Variants in RPGR observed in about 807,000 individuals in gnomAD.
RPGR encodes X-linked retinitis pigmentosa GTPase regulator.
In RPGR, 10 loss-of-function variants were observed where a neutral mutation model predicts 56.3. The ratio of observed to expected loss-of-function variants is 0.18; its 90% confidence interval spans 0.11 to 0.30. RPGR has a LOEUF of 0.30. Among genes scored for constraint, RPGR ranks in the 10% least tolerant of loss-of-function variants. RPGR has a pLI of 1.00. For missense variants in RPGR, 538 were observed against 590.9 expected, an observed-to-expected ratio of 0.91 and a Z score of 0.93; for synonymous variants, 197 against 212.9, an observed-to-expected ratio of 0.93 and a Z score of 0.65.
At chrX:38,319,972 T>A (rs1017445529) in intron 4 of RPGR, among the ~76,000 whole-genome samples, 1 of 111,618 alleles carries the variant, frequency 9.0e-6, no homozygotes, top group African/African-American at 3.3e-5. Context: ...GAAACCTAAT[T>A]GGGGAAACAA....
At chrX:38,276,497 C>T (rs751922495) in intron 16 of RPGR, 16 of 928,501 alleles carry the variant, frequency 1.7e-5, no homozygotes, top group Non-Finnish European at 2.3e-5. Context: ...TTTCTGATCC[C>T]AAAGGCAACT....
intron 7 of RPGR, 30 bp downstream of exon 7, chrX:38,310,585 A>T (rs753659881): frequency 8.3e-7 from 1 of 1,206,033 alleles, no homozygotes; most frequent in Non-Finnish European, 1.1e-6. Context: ...CACAGAACGC[A>T]GGGAACAGAA....
At chrX:38,302,946 T>C (rs1003977388) in intron 8 of RPGR, among the ~76,000 whole-genome samples, 1 of 109,180 alleles carries the variant, frequency 9.2e-6, no homozygotes, top group African/African-American at 3.3e-5. Flanking sequence ...CAATAGCTGA[T>C]ATTACAGGCA....
At chrX:38,284,705 T>C in intron 15 of RPGR, 1 of 714,599 alleles carries the variant, frequency 1.4e-6, no homozygotes, top group Non-Finnish European at 1.7e-6. Flanking sequence ...ATAACAATAA[T>C]GATAGAGTGA....
At chrX:38,276,864 TA>T in intron 15 of RPGR, 6 of 736,490 alleles carry the variant, frequency 8.1e-6, no homozygotes, top group South Asian at 2.5e-5. Flanking sequence ...TTGTGTCATC[TA>T]AAAAAACCAG....
chrX:38,293,473 T>C (rs998237548), intron 11 of RPGR, among the ~76,000 whole-genome samples: 3 of 112,345 alleles, frequency 2.7e-5, no homozygotes, highest in South Asian at 7.4e-4. Context: ...AATTTGGAAT[T>C]ATATGGGAAA....
At chrX:38,317,073 C>T (rs1049336105) in intron 6 of RPGR, among the ~76,000 whole-genome samples, 3 of 111,613 alleles carry the variant, frequency 2.7e-5, no homozygotes, top group Non-Finnish European at 5.7e-5. Context: ...CCAAAGGAAA[C>T]TATATCCCAT....
intron 11 of RPGR, 108 bp from the exon 12 acceptor site, chrX:38,291,592 T>G: frequency 2.1e-6 from 1 of 475,926 alleles, no homozygotes; most frequent in Non-Finnish European, 3.7e-6. Flanking sequence ...GGTATAATTT[T>G]ACTAAAAGTC....
At chrX:38,306,902 T>C (rs2067613278) in intron 7 of RPGR, among the ~76,000 whole-genome samples, 2 of 112,756 alleles carry the variant, frequency 1.8e-5, no homozygotes, top group Admixed American at 1.9e-4. Flanking sequence ...TTTAAGGACA[T>C]TATATTTAAC....
In RPGR at chrX:38,317,326, A is replaced by G. The variant is rs371899162; in HGVS notation, c.609T>C (p.Ala203=). The G allele has an allele frequency of 8.3e-7, 1 of 1,208,697 alleles. No individual in the cohort carries two copies. The highest frequency in any genetic ancestry group is 1.1e-6 in the Non-Finnish European group (1 of 894,149). The change falls in exon 6 of 19, where the codon GCT becomes GCC. Residue 203 remains alanine (A), a synonymous_variant. Coordinates refer to ENST00000642395, the MANE Select transcript of RPGR (RefSeq NM_000328.3). The stretch of plus-strand genomic sequence containing the variant: ...CAAAATGTGTCTTACTTGTTACAAA[A>G]GCTGAATGGTAATATCCACAAGAGA...
chrX:38,322,137 T>A (rs781728049), intron 3 of RPGR, among the ~76,000 whole-genome samples: 1 of 112,089 alleles, frequency 8.9e-6, no homozygotes, highest in East Asian at 2.8e-4. Flanking sequence ...TATGATAAGC[T>A]ACACTGAAAT....
In RPGR at chrX:38,269,270, G is replaced by A. The variant is rs189722742; in HGVS notation, c.*356C>T. 5 of 130,223 alleles carry A rather than the reference G, an allele frequency of 3.8e-5. No individual in the cohort carries two copies. Among genetic ancestry groups the A allele is most frequent in the Admixed American group, 3.3e-4 (4 of 12,196 alleles). The allele number at this position is 130,223 out of a possible 1,213,427, so 10.7% of individuals were successfully genotyped here. A position where few individuals can be genotyped will look rare whatever the true frequency, so the allele number is the denominator to read the frequency against. ...ATACATCAAAAACTGTTACAGTGTC[G>A]TAAGATTGCAAATATTGCCTTATAA... On this transcript the variant is annotated 3_prime_UTR_variant, in exon 19 of 19. Coordinates refer to ENST00000642395, the MANE Select transcript of RPGR (RefSeq NM_000328.3).
In RPGR at chrX:38,298,969, C is replaced by T. The variant is rs139594653; in HGVS notation, c.1232G>A (p.Arg411Gln). 5.8e-6 allele frequency: 7 copies of T among 1,209,654 alleles called. No homozygotes were observed. The highest frequency in any genetic ancestry group is 4.4e-5 in the Admixed American group (2 of 45,690). ...CCACAATTGTACCCTCTCTCTTCGCCGCATACGTGCTGATAGAGTCCTCTG... is the reference window on the plus strand; with the variant it reads ...CCACAATTGTACCCTCTCTCTTCGCTGCATACGTGCTGATAGAGTCCTCTG... Residue 411 changes from arginine (R) to glutamine (Q), a missense_variant, in exon 10 of 19, where the codon CGG becomes CAG. By Grantham distance (43) the Arg-to-Gln change is conservative. Around this residue, in one of 2 missense-constraint regions of RPGR, gnomAD observed 357 missense variants for 325.8 expected, o/e 1.10. Coordinates refer to ENST00000642395, the MANE Select transcript of RPGR (RefSeq NM_000328.3).
Position 38,269,354 on chromosome X carries a change from C to A in RPGR, c.*272G>T. 5.5e-6 allele frequency: 1 copy of A among 182,097 alleles called. No homozygotes were observed. Among genetic ancestry groups the A allele is most frequent in the Non-Finnish European group, 1.0e-5 (1 of 99,070 alleles). 15.0% of individuals were successfully genotyped at this position (182,097 alleles called of 1,213,427 possible). A position where few individuals can be genotyped will look rare whatever the true frequency, so the allele number is the denominator to read the frequency against. ...TAGGAAATATCTTATTTCAATTTTC[C>A]ACATATAAAAATATATTTTTTATTG... On this transcript the variant is annotated 3_prime_UTR_variant, in exon 19 of 19. Coordinates refer to ENST00000642395, the MANE Select transcript of RPGR (RefSeq NM_000328.3).
At chrX:38,289,036 C>T (rs1368707563) in intron 13 of RPGR, among the ~76,000 whole-genome samples, 1 of 111,133 alleles carries the variant, frequency 9.0e-6, no homozygotes, top group East Asian at 2.8e-4. Flanking sequence ...CCCATCTTGG[C>T]CGCCCAAAGT....
Position 38,276,678 on chromosome X carries a change from C to T in RPGR, c.2000G>A (p.Gly667Glu), listed in dbSNP as rs2066942933. The T allele has an allele frequency of 1.7e-6, 2 of 1,209,620 alleles. No homozygotes were observed. Among genetic ancestry groups the T allele is most frequent in the Non-Finnish European group, 2.2e-6 (2 of 893,751 alleles). Residue 667 changes from glycine (G) to glutamate (E), a missense_variant, in exon 16 of 19, where the codon GGA (glycine) becomes GAA (glutamate). Around this residue, in one of 2 missense-constraint regions of RPGR, gnomAD observed 357 missense variants for 325.8 expected, o/e 1.10. Transcript: ENST00000642395. Reference sequence around the variant, plus strand: ...ACCTGTAGGAACACTTTCATCATCTCCCACAGTTTTCTTCTTGCTTTCCAC... The same window carrying T: ...ACCTGTAGGAACACTTTCATCATCTTCCACAGTTTTCTTCTTGCTTTCCAC...
intron 11 of RPGR, among the ~76,000 whole-genome samples, chrX:38,292,733 T>C (rs190467754): frequency 8.9e-6 from 1 of 112,549 alleles, no homozygotes; most frequent in Non-Finnish European, 1.9e-5. Context: ...TGTTAAAAAA[T>C]TGTAATTGCT....
intron 4 of RPGR, among the ~76,000 whole-genome samples, chrX:38,319,199 A>G (rs1055388126): frequency 8.9e-6 from 1 of 112,619 alleles, no homozygotes; most frequent in Non-Finnish European, 1.9e-5. Context: ...TCAATCTAGA[A>G]TGTAACTAGC....
intron 10 of RPGR, among the ~76,000 whole-genome samples, chrX:38,297,887 C>CA (rs951379554): frequency 3.7e-4 from 41 of 111,651 alleles, no homozygotes; most frequent in Non-Finnish European, 5.8e-4. Flanking sequence ...TATGAACCTT[C>CA]AAAAAAACAT....
Sources: allele counts gnomAD v4.1 joint callset (sites outside exome capture counted in the v4.1 genomes callset), GRCh38; gene constraint gnomAD v4.1.1; regional missense constraint gnomAD v4.1.1; transcripts MANE v1.5; gene names NCBI Gene and HGNC (gene_info 2026-07-23, HGNC 2026-07-21).